SZT2: variants seen among roughly 807,000 people sequenced by gnomAD.
The protein encoded by SZT2 is KICSTOR complex protein SZT2.
Under a neutral mutation model 404.2 loss-of-function variants are expected in SZT2, and 216 were observed. The observed-to-expected ratio is 0.53, with a 90% CI of 0.48 to 0.60. SZT2 has a LOEUF of 0.60. Among genes scored for constraint, SZT2 ranks in the 20% least tolerant of loss-of-function variants. SZT2 has a pLI of 0.00. For missense variants in SZT2, 3,857 were observed against 4,459.2 expected (o/e 0.86, Z 3.85); for synonymous variants, 1,693 against 1,749.9 (o/e 0.97, Z 0.81).
Position 43,419,927 on chromosome 1 carries a change from A to G in SZT2, c.1073A>G (p.Asn358Ser). The G allele has an allele frequency of 6.3e-7, 1 of 1,598,216 alleles. No homozygotes were observed. The highest frequency in any genetic ancestry group is 1.7e-4 in the Middle Eastern group (1 of 6,054). Reference sequence around the variant, plus strand: ...TTCCTGCGCAGTGGGGAAGCACTGAACCCTGAATATTACTGCGGTGAGAGG... The same window carrying G: ...TTCCTGCGCAGTGGGGAAGCACTGAGCCCTGAATATTACTGCGGTGAGAGG... ...YSFLRSGEAL[N>S]PEYYCGSQHR... Residue 358 changes from asparagine to serine, a missense_variant, in exon 8 of 72, where the codon AAC becomes AGC. Physicochemically the swap from Asn to Ser is conservative, Grantham distance 46. Coordinates refer to ENST00000634258, the MANE Select transcript of SZT2 (RefSeq NM_001365999.1).
rs949956483 is a variant in SZT2 at position 43,430,065 on chromosome 1, C to T, written c.4363C>T (p.His1455Tyr). ...LHFRTVPSNP[H>Y]YFFYCPPSSR... ...CTTCCGCACAGTGCCTTCCAATCCC[C>T]ACTACTTCTTCTATTGCCCTCCATC... is the stretch of plus-strand genomic sequence containing the variant. Residue 1455 changes from histidine (H) to tyrosine (Y), a missense_variant, in exon 30 of 72, where the codon CAC becomes TAC. His to Tyr is a moderately conservative substitution (Grantham distance 83, BLOSUM62 2). Coordinates refer to ENST00000634258, the MANE Select transcript of SZT2 (RefSeq NM_001365999.1). The T allele has an allele frequency of 1.2e-5, 20 of 1,614,172 alleles. No individual in the cohort carries two copies. Among genetic ancestry groups the T allele is most frequent in the Non-Finnish European group, 1.6e-5 (19 of 1,180,036 alleles).
At position 43,441,402 on chromosome 1, in the gene SZT2, G is replaced by C. The variant is rs771484671; in HGVS notation, c.7511+22G>C. ...AAAAGTATGTGTGTGGTGGTGGTGT[G>C]CCCTGGGAGGGTATGGGTGTGAAGT... On this transcript the variant is annotated intron_variant, in intron 53 of 71. Transcript: ENST00000634258. The surrounding 1 kb of genome is among the most constrained non-coding windows in gnomAD (Gnocchi z 4.8). 8.7e-6 allele frequency: 14 copies of C among 1,613,120 alleles called. No homozygotes were observed. In the South Asian group the frequency reaches 1.4e-4, roughly 16 times the overall value.
At chr1:43,421,389 CCTTT>C in intron 11 of SZT2, 86 bp downstream of exon 11, 1 of 1,536,248 alleles carries the variant, frequency 6.5e-7, no homozygotes, top group Non-Finnish European at 8.8e-7. Context: ...ACCTTCTATT[CCTTT>C]CTGTCTCACG....
Position 43,453,423 on chromosome 1 carries a change from G to A in SZT2, c.*2943G>A, listed in dbSNP as rs762168706. ...AGGGCTTTGGCATACCGCACGGCCT[G>A]CTCCAGTCCCTCTCGGAAGGCCGCC... On this transcript the variant is annotated 3_prime_UTR_variant, in exon 72 of 72. Transcript: ENST00000634258. 5.1e-6 allele frequency: 8 copies of A among 1,560,844 alleles called. No homozygotes were observed. The South Asian group carries it at 9.4e-5, about 18-fold the overall frequency.
chr1:43,441,408 G>T lies in SZT2; in HGVS notation c.7511+28G>T. 1 of 1,612,836 alleles carries T rather than the reference G, an allele frequency of 6.2e-7. No homozygotes were observed. The highest frequency in any genetic ancestry group is 8.5e-7 in the Non-Finnish European group (1 of 1,179,154). ...ATGTGTGTGGTGGTGGTGTGCCCTG[G>T]GAGGGTATGGGTGTGAAGTCACAGA... is the stretch of plus-strand genomic sequence containing the variant. On this transcript the variant is annotated intron_variant, in intron 53 of 71. Transcript: ENST00000634258. The surrounding 1 kb of genome is among the most constrained non-coding windows in gnomAD (Gnocchi z 4.8).
chr1:43,428,595 TG>T (rs1448541262), intron 28 of SZT2, 109 bp downstream of exon 28: 1 of 1,441,348 alleles, frequency 6.9e-7, no homozygotes, highest in African/African-American at 1.4e-5. Flanking sequence ...TCTAAGCACC[TG>T]AGAAGCAGTA....
rs753544485 is a variant in SZT2 at position 43,422,468 on chromosome 1, C to T, written c.1770-12C>T. 1.3e-6 allele frequency: 2 copies of T among 1,569,188 alleles called. No homozygotes were observed. Among genetic ancestry groups the T allele is most frequent in the Middle Eastern group, 1.7e-4 (1 of 5,924 alleles). The stretch of plus-strand genomic sequence containing the variant: ...CTGGAGGTCTAACCTCAGTCCACAC[C>T]CCTCTTCCTAGACCAATCCCCAAGC... On this transcript the variant is annotated splice_polypyrimidine_tract_variant and intron_variant, in intron 12 of 71. Coordinates refer to ENST00000634258, the MANE Select transcript of SZT2 (RefSeq NM_001365999.1).
rs762508840 is a variant in SZT2, at chr1:43,450,470, G to A, written c.10289G>A (p.Arg3430His). The A allele has an allele frequency of 8.7e-6, 14 of 1,614,048 alleles. No homozygotes were observed. The highest frequency in any genetic ancestry group is 1.7e-4 in the Middle Eastern group (1 of 6,060). Residue 3430 changes from arginine to histidine, a missense_variant, in exon 72 of 72, where the codon CGC becomes CAC. Physicochemically the swap from Arg to His is conservative, Grantham distance 29. Transcript: ENST00000634258. This position sits in a 1 kb window ranked among gnomAD's most constrained non-coding sequence, Gnocchi z 4.3. ...ACAGCCTGTTTCACCCTCTGGACCCGCCTCCTCTGAGGGAGTGGACTGGAC... is the reference window on the plus strand; with the variant it reads ...ACAGCCTGTTTCACCCTCTGGACCCACCTCCTCTGAGGGAGTGGACTGGAC... ...INTACFTLWT[R>H]LL is the part of the protein sequence containing the mutation.
rs1049641817 is a variant in SZT2, at chr1:43,439,929, A to G, written c.7091A>G (p.Asn2364Ser). Residue 2364 changes from asparagine to serine, a missense_variant, in exon 51 of 72, where the codon AAC becomes AGC. Transcript: ENST00000634258. The surrounding 1 kb of genome is among the most constrained non-coding windows in gnomAD (Gnocchi z 4.2). ...RLRLDVWEKG[N>S]ISIVQLEEKL... ...CGATTGGATGTGTGGGAAAAGGGGAACATTAGTATTGTGCAGCTGGAGGAG... is the reference window on the plus strand; with the variant it reads ...CGATTGGATGTGTGGGAAAAGGGGAGCATTAGTATTGTGCAGCTGGAGGAG... The G allele has an allele frequency of 6.2e-7, 1 of 1,612,416 alleles. No individual in the cohort carries two copies. The highest frequency in any genetic ancestry group is 8.5e-7 in the Non-Finnish European group (1 of 1,179,172).
At chr1:43,440,346 CAGGT>C (rs1654929412) in intron 51 of SZT2, 103 bp from the exon 52 acceptor site, 22 of 1,453,666 alleles carry the variant, frequency 1.5e-5, no homozygotes, top group Admixed American at 2.4e-5. Context: ...CATTCACTGA[CAGGT>C]AGAATAGGTG....
At position 43,454,058 on chromosome 1, in the gene SZT2, G is replaced by A. The variant is rs1212057803; in HGVS notation, c.*3578G>A. The A allele has an allele frequency of 8.8e-6, 10 of 1,133,576 alleles. No homozygotes were observed. Among genetic ancestry groups the A allele is most frequent in the Non-Finnish European group, 1.1e-5 (10 of 926,084 alleles). The allele number at this position is 1,133,576 out of a possible 1,614,324, so 70.2% of individuals were successfully genotyped here. On this transcript the variant is annotated 3_prime_UTR_variant, in exon 72 of 72. Coordinates refer to ENST00000634258, the MANE Select transcript of SZT2 (RefSeq NM_001365999.1). ...CAGGACCCGCGCCTGGAGAAGGTAG[G>A]GAGGCCGAGCTCCAGGGCCTGAGAG...
At chr1:43,406,637 A>G (rs1441410018) in intron 4 of SZT2, 1 of 152,336 alleles carries the variant, frequency 6.6e-6, no homozygotes, top group Non-Finnish European at 1.5e-5. Flanking sequence ...CTGGTTATGA[A>G]AGGCCATGAA....
chr1:43,431,086 C>G lies in SZT2; in HGVS notation c.4912C>G (p.His1638Asp). ...ELPTASDPQH[H>D]RSTSESSASF... ...CCCCACGGCCTCGGACCCTCAGCACCACCGGTGTGGCAGCAAGTTTGGTGG... is the reference window on the plus strand; with the variant it reads ...CCCCACGGCCTCGGACCCTCAGCACGACCGGTGTGGCAGCAAGTTTGGTGG... Residue 1638 changes from histidine (H) to aspartate (D), a missense_variant, in exon 33 of 72, where the codon CAC (histidine) becomes GAC (aspartate). By Grantham distance (81) the His-to-Asp change is moderately conservative. Transcript: ENST00000634258. 1 of 1,612,432 alleles carries G rather than the reference C, an allele frequency of 6.2e-7. No homozygotes were observed. Among genetic ancestry groups the G allele is most frequent in the Non-Finnish European group, 8.5e-7 (1 of 1,179,446 alleles).
intron 26 of SZT2, 85 bp downstream of exon 26, chr1:43,427,819 G>A: frequency 4.7e-6 from 7 of 1,499,400 alleles, no homozygotes; most frequent in Non-Finnish European, 4.5e-6. Context: ...GGCGTGGGCA[G>A]GTAAGTTGCT....
In SZT2 at chr1:43,439,573, A is replaced by G; in HGVS notation, c.6878-32A>G. On this transcript the variant is annotated intron_variant, in intron 49 of 71. Coordinates refer to ENST00000634258, the MANE Select transcript of SZT2 (RefSeq NM_001365999.1). This position sits in a 1 kb window ranked among gnomAD's most constrained non-coding sequence, Gnocchi z 4.2. ...GTGGGAGGGGTGGTCTGCAAGTCCC[A>G]GAGCTGAGCCTTCCTATGGATTTCT... is the stretch of plus-strand genomic sequence containing the variant. The G allele has an allele frequency of 6.2e-7, 1 of 1,613,152 alleles. No individual in the cohort carries two copies. The highest frequency in any genetic ancestry group is 8.5e-7 in the Non-Finnish European group (1 of 1,179,496).
At position 43,452,357 on chromosome 1, in the gene SZT2, G is replaced by T; in HGVS notation, c.*1877G>T. The T allele has an allele frequency of 6.7e-7, 1 of 1,499,700 alleles. No individual in the cohort carries two copies. The highest frequency in any genetic ancestry group is 1.4e-5 in the African/African-American group (1 of 72,588). The allele number at this position is 1,499,700 out of a possible 1,614,324, so 92.9% of individuals were successfully genotyped here. On this transcript the variant is annotated 3_prime_UTR_variant, in exon 72 of 72. Transcript: ENST00000634258. ...TGGACTGGAGGCCTTGCCTCCCTTG[G>T]CTCTCTCTGCACCTCTTCCAGGATT...
chr1:43,427,774 A>T, intron 26 of SZT2, 40 bp downstream of exon 26: 11 of 1,601,088 alleles, frequency 6.9e-6, no homozygotes, highest in Non-Finnish European at 9.4e-6. Flanking sequence ...TCGCCGGGCC[A>T]TGGCTCCCAG....
At chr1:43,412,345 G>A (rs2153931100) in intron 4 of SZT2, 1 of 152,508 alleles carries the variant, frequency 6.6e-6, no homozygotes, top group African/African-American at 2.4e-5. Context: ...GCCTGGGCTG[G>A]AGTGCAGTGG....
intron 4 of SZT2, 116 bp downstream of exon 4, chr1:43,404,666 C>T (rs970418841): frequency 2.7e-6 from 3 of 1,099,172 alleles, no homozygotes; most frequent in Non-Finnish European, 3.9e-6. Context: ...CTGCTGGCTT[C>T]TTGAACCTGT....
Sources: gnomAD v4.1 joint callset for allele counts on GRCh38, gnomAD v4.1.1 for gene constraint, Gnocchi (gnomAD v3.1) non-coding constraint, MANE v1.5 for transcripts, NCBI Gene and HGNC (gene_info 2026-07-23, HGNC 2026-07-21) for gene names.